KIAA1328: variants seen among roughly 807,000 people sequenced by gnomAD.
KIAA1328 encodes the protein KIAA1328.
In KIAA1328, 52 loss-of-function variants were observed where a neutral mutation model predicts 68.1. The ratio of observed to expected loss-of-function variants is 0.76; its 90% CI spans 0.61 to 0.96. The LOEUF (loss-of-function observed/expected upper bound fraction) is 0.96, where lower values mean the gene tolerates loss of function less well. Among genes scored for constraint, KIAA1328 ranks in the 40% least tolerant of loss-of-function variants. The pLI, the probability that KIAA1328 is intolerant of heterozygous loss-of-function variation, is 0.00. For synonymous variants in KIAA1328, 232 were observed against 239.4 expected, an observed-to-expected ratio of 0.97 and a Z score of 0.28; for missense variants, 641 against 677.6, an observed-to-expected ratio of 0.95 and a Z score of 0.60.
intron 7 of KIAA1328, among the ~76,000 whole-genome samples, chr18:37,129,594 T>C (rs909500936): frequency 6.6e-6 from 1 of 152,204 alleles, no homozygotes; most frequent in Non-Finnish European, 1.5e-5. Flanking sequence ...TATTTGACCC[T>C]AAGGTTGTGA....
At chr18:37,012,758 T>C (rs1009183524) in intron 6 of KIAA1328, among the ~76,000 whole-genome samples, 9 of 152,228 alleles carry the variant, frequency 5.9e-5, no homozygotes, top group African/African-American at 1.7e-4. Flanking sequence ...TATTTTAACA[T>C]TGGACTCTTA....
intron 9 of KIAA1328, among the ~76,000 whole-genome samples, chr18:37,206,695 T>G (rs2060222460): frequency 6.6e-6 from 1 of 152,134 alleles, no homozygotes; most frequent in Non-Finnish European, 1.5e-5. Context: ...CTGAATAGTT[T>G]TAGAAAGTTG....
chr18:37,046,737 A>G (rs571288617), intron 6 of KIAA1328, among the ~76,000 whole-genome samples: 11 of 152,306 alleles, frequency 7.2e-5, no homozygotes, highest in Admixed American at 7.2e-4. Flanking sequence ...ATTGTGCCTA[A>G]ACATTTTGAG....
chr18:36,954,291 A>G (rs2051308956), intron 5 of KIAA1328: 1 of 152,112 alleles, frequency 6.6e-6, no homozygotes, highest in African/African-American at 2.4e-5. Flanking sequence ...AGCATCATTT[A>G]ATTTATTCCT....
intron 4 of KIAA1328, among the ~76,000 whole-genome samples, chr18:36,872,175 G>A (rs1601079391): frequency 1.3e-5 from 2 of 152,230 alleles, no homozygotes; most frequent in Admixed American, 6.5e-5. Flanking sequence ...TCCAGGTGGT[G>A]AGGAGGGTCC....
intron 4 of KIAA1328, among the ~76,000 whole-genome samples, chr18:36,879,701 G>T (rs2048265739): frequency 6.6e-6 from 1 of 152,196 alleles, no homozygotes; most frequent in African/African-American, 2.4e-5. Context: ...ACGGGCTGCT[G>T]CCTTTCTTTC....
intron 4 of KIAA1328, 145 bp downstream of exon 4, chr18:36,844,447 C>T: frequency 2.1e-6 from 1 of 484,500 alleles, no homozygotes; most frequent in Non-Finnish European, 3.6e-6. Context: ...TCTGTGATGT[C>T]AGAATCCTCT....
intron 7 of KIAA1328, among the ~76,000 whole-genome samples, chr18:37,131,188 G>T (rs1233334397): frequency 6.6e-6 from 1 of 152,112 alleles, no homozygotes; most frequent in Admixed American, 6.5e-5. Context: ...AGACTTACAT[G>T]TTCTGTTAAC....
intron 7 of KIAA1328, among the ~76,000 whole-genome samples, chr18:37,073,326 CA>C (rs1409572907): frequency 4.6e-5 from 7 of 152,158 alleles, no homozygotes; most frequent in Non-Finnish European, 1.0e-4. Context: ...AGAGGAAAAA[CA>C]ACCCCATCAA....
rs145075347 is a variant in KIAA1328, at chr18:36,956,420, A to G, written c.449-2888A>G. On this transcript the variant is annotated intron_variant, in intron 5 of 9. Coordinates refer to ENST00000280020, the MANE Select transcript of KIAA1328 (RefSeq NM_020776.3). Reference sequence around the variant, plus strand: ...TCATTCGGCCAGGATTGAGTTAAATATATGTTCTTTTTCATTGTACCCCCC... The same window carrying G: ...TCATTCGGCCAGGATTGAGTTAAATGTATGTTCTTTTTCATTGTACCCCCC... Among the ~76,000 whole-genome samples, 1,217 of 152,058 alleles carry G rather than the reference A, an allele frequency of 8.0e-3. 15 individuals are homozygous for G. The highest frequency in any genetic ancestry group is 0.014 in the Non-Finnish European group (925 of 68,012).
At chr18:37,076,382 G>C (rs1211020713) in intron 7 of KIAA1328, among the ~76,000 whole-genome samples, 1 of 151,836 alleles carries the variant, frequency 6.6e-6, no homozygotes, top group Non-Finnish European at 1.5e-5. Flanking sequence ...GAGAAAACAG[G>C]AAAGATCCAA....
intron 7 of KIAA1328, among the ~76,000 whole-genome samples, chr18:37,070,936 A>G (rs2056503965): frequency 6.7e-6 from 1 of 149,996 alleles, no homozygotes; most frequent in Non-Finnish European, 1.5e-5. Flanking sequence ...TTTTACTTTC[A>G]CCCTATATAT....
chr18:36,884,565 A>T (rs1380579442), intron 4 of KIAA1328, among the ~76,000 whole-genome samples: 1 of 152,208 alleles, frequency 6.6e-6, no homozygotes, highest in Non-Finnish European at 1.5e-5. Flanking sequence ...AGGAAAACCT[A>T]TGGGATTCAT....
chr18:36,942,941 A>G (rs1240513580), intron 5 of KIAA1328, among the ~76,000 whole-genome samples: 1 of 152,218 alleles, frequency 6.6e-6, no homozygotes, highest in East Asian at 1.9e-4. Flanking sequence ...TTATTCCAGG[A>G]ATCAGCCCTA....
intron 4 of KIAA1328, among the ~76,000 whole-genome samples, chr18:36,867,632 G>A (rs1411744935): frequency 6.6e-6 from 1 of 152,156 alleles, no homozygotes; most frequent in African/African-American, 2.4e-5. Flanking sequence ...ATGTATCTTG[G>A]AGGGTTTAAT....
intron 5 of KIAA1328, among the ~76,000 whole-genome samples, chr18:36,950,778 T>C (rs1022175063): frequency 3.9e-5 from 6 of 152,172 alleles, no homozygotes; most frequent in African/African-American, 1.2e-4. Context: ...CCAAAGTCTG[T>C]GAGTAATGGA....
chr18:37,117,872 G>A (rs1470513494), intron 7 of KIAA1328, among the ~76,000 whole-genome samples: 22 of 136,908 alleles, frequency 1.6e-4, no homozygotes, highest in Admixed American at 1.6e-3. Context: ...GGACGTAGTT[G>A]GTTTAAAAAA....
chr18:37,001,666 T>TGAGATTACAC (rs1225092419), intron 6 of KIAA1328, among the ~76,000 whole-genome samples: 7 of 151,890 alleles, frequency 4.6e-5, no homozygotes, highest in African/African-American at 1.4e-4. Flanking sequence ...CATGATTACA[T>TGAGATTACAC]GAGATTACAC....
At chr18:36,985,887 A>T (rs2052901720) in intron 6 of KIAA1328, among the ~76,000 whole-genome samples, 1 of 152,220 alleles carries the variant, frequency 6.6e-6, no homozygotes, top group Non-Finnish European at 1.5e-5. Flanking sequence ...ATTAGTTATT[A>T]GGAAAATGAA....
Sources: allele counts gnomAD v4.1 joint callset (sites outside exome capture counted in the v4.1 genomes callset), GRCh38; gene constraint gnomAD v4.1.1; transcripts MANE v1.5; gene names NCBI Gene and HGNC (gene_info 2026-07-23, HGNC 2026-07-21).